Variants in POR observed in about 807,000 individuals in gnomAD.
POR encodes the protein NADPH--cytochrome P450 reductase.
A neutral mutation model predicts 84.0 loss-of-function variants in POR; 56 were observed. That is an observed-to-expected ratio of 0.67 (90% CI 0.54 to 0.83). POR has a LOEUF of 0.83. Among genes scored for constraint, POR ranks in the 40% least tolerant of loss-of-function variants. The probability of loss-of-function intolerance (pLI) is 0.00; values close to 1 mark genes in which losing one functional copy is unlikely to be tolerated. For missense variants in POR, 938 were observed against 944.3 expected (o/e 0.99, Z 0.09); for synonymous variants, 414 against 400.5 (o/e 1.03, Z -0.40).
At chr7:75,977,371 A>G (rs1788743074) in intron 3 of POR, among the ~76,000 whole-genome samples, 1 of 152,212 alleles carries the variant, frequency 6.6e-6, no homozygotes, top group African/African-American at 2.4e-5. Context: ...AGGACACACC[A>G]CGTGTAGCTG....
intron 1 of POR, chr7:75,923,569 A>C (rs1254573038): frequency 2.8e-6 from 1 of 352,480 alleles, no homozygotes; most frequent in East Asian, 6.8e-5. Context: ...TTATCTTCAA[A>C]AACTGTAAAG....
intron 1 of POR, among the ~76,000 whole-genome samples, chr7:75,936,796 C>T (rs1807708607): frequency 1.3e-5 from 2 of 151,240 alleles, no homozygotes; most frequent in Non-Finnish European, 2.9e-5. Flanking sequence ...AGCAAGACCC[C>T]TGGCTCTGTT....
chr7:75,939,941 G>A (rs1554551321), intron 1 of POR, among the ~76,000 whole-genome samples: 1 of 145,398 alleles, frequency 6.9e-6, no homozygotes. Flanking sequence ...ATGGGGTCTT[G>A]CTTTGTTGCC....
In POR at chr7:75,968,382, G is replaced by A. The variant is rs188421017; in HGVS notation, c.189-4031G>A. The A allele has an allele frequency of 7.2e-6, 3 of 414,648 alleles. No individual in the cohort carries two copies. In the East Asian group the frequency reaches 2.2e-4, roughly 30 times the overall value. 25.7% of individuals were successfully genotyped at this position (414,648 alleles called of 1,614,324 possible). A position where few individuals can be genotyped will look rare whatever the true frequency, so the allele number is the denominator to read the frequency against. ...CAGGACTTGCACGCTGCATTTCCCTGCTTCCAAAGGAAGGAATTTGGACTG... is the reference window on the plus strand; with the variant it reads ...CAGGACTTGCACGCTGCATTTCCCTACTTCCAAAGGAAGGAATTTGGACTG... On this transcript the variant is annotated intron_variant, in intron 2 of 15. Transcript: ENST00000461988.
At chr7:75,981,432 G>C in intron 6 of POR, 85 bp from the exon 7 acceptor site, 14 of 1,346,028 alleles carry the variant, frequency 1.0e-5, no homozygotes, top group Non-Finnish European at 1.5e-5. Flanking sequence ...TGGGGATGGG[G>C]TGGGGTCGGG....
intron 1 of POR, among the ~76,000 whole-genome samples, chr7:75,948,658 A>G (rs1787284902): frequency 6.6e-6 from 1 of 152,230 alleles, no homozygotes; most frequent in Non-Finnish European, 1.5e-5. Context: ...AGCACTGCCA[A>G]TCCAGGTACC....
At chr7:75,980,929 G>A (rs1281211318) in intron 5 of POR, 119 bp from the exon 6 acceptor site, 1 of 1,266,828 alleles carries the variant, frequency 7.9e-7, no homozygotes, top group Non-Finnish European at 1.1e-6. Context: ...TGGAACGGAG[G>A]CCTGCAGGTG....
chr7:75,931,350 T>C (rs980211730), intron 1 of POR, among the ~76,000 whole-genome samples: 5 of 146,574 alleles, frequency 3.4e-5, no homozygotes, highest in Non-Finnish European at 7.5e-5. Context: ...TATTTATTTA[T>C]TTATTTATTT....
At chr7:75,926,861 C>T (rs782210424) in intron 1 of POR, among the ~76,000 whole-genome samples, 1 of 152,126 alleles carries the variant, frequency 6.6e-6, no homozygotes, top group Non-Finnish European at 1.5e-5. Context: ...ACCAGGGTTA[C>T]AGAGGTGCAG....
rs367573862 is a variant in POR, at chr7:75,984,309, G to A, written c.1066+453G>A. On this transcript the variant is annotated intron_variant, in intron 10 of 15. Coordinates refer to ENST00000461988, the MANE Select transcript of POR (RefSeq NM_000941.3). Reference sequence around the variant, plus strand: ...CCATTACGCGGGGCTGCCTGGGCCTGGTGGGGCTGCCCAGCCTGAGCCTCC... The same window carrying A: ...CCATTACGCGGGGCTGCCTGGGCCTAGTGGGGCTGCCCAGCCTGAGCCTCC... Among the ~76,000 whole-genome samples the A allele has an allele frequency of 2.2e-3, 329 of 152,288 alleles. 2 individuals are homozygous for A. The highest frequency in any genetic ancestry group is 7.7e-3 in the African/African-American group (318 of 41,554).
chr7:75,969,236 G>T (rs1395337566), intron 2 of POR, among the ~76,000 whole-genome samples: 1 of 152,188 alleles, frequency 6.6e-6, no homozygotes, highest in Non-Finnish European at 1.5e-5. Context: ...TGTTAACCAA[G>T]TTCCCCAGTC....
intron 2 of POR, among the ~76,000 whole-genome samples, chr7:75,959,257 A>AG (rs1787827320): frequency 6.6e-6 from 1 of 152,200 alleles, no homozygotes; most frequent in Non-Finnish European, 1.5e-5. Context: ...TAGCTGATAC[A>AG]ACCAGGCCTC....
chr7:75,937,126 C>T (rs1201252311), intron 1 of POR, among the ~76,000 whole-genome samples: 2 of 151,392 alleles, frequency 1.3e-5, no homozygotes, highest in South Asian at 2.1e-4. Context: ...CGCATCCGGC[C>T]GCTGTTTCTG....
rs186380664 is a variant in POR at position 75,954,687 on chromosome 7, G to A, written c.188+507G>A. Among the ~76,000 whole-genome samples the A allele has an allele frequency of 2.9e-3, 433 of 150,544 alleles. 3 individuals carry two copies. Among genetic ancestry groups the A allele is most frequent in the East Asian group, 0.011 (54 of 5,132 alleles). On this transcript the variant is annotated intron_variant, in intron 2 of 15. Coordinates refer to ENST00000461988, the MANE Select transcript of POR (RefSeq NM_000941.3). ...CCCGAGTAGCTGGGACTAAAGGTGT[G>A]CACCACTATGCCCAGCTAATTTTTT...
At chr7:75,981,951 GC>G in intron 7 of POR, 1 of 568,618 alleles carries the variant, frequency 1.8e-6, no homozygotes, top group Non-Finnish European at 3.1e-6. Context: ...CCTGGGTGCT[GC>G]CCGGGCTTCC....
intron 1 of POR, among the ~76,000 whole-genome samples, chr7:75,934,379 T>TG (rs1354773160): frequency 6.6e-6 from 1 of 151,974 alleles, no homozygotes; most frequent in Non-Finnish European, 1.5e-5. Flanking sequence ...CATTCAGATG[T>TG]GGGAGCAAAG....
At chr7:75,923,480 A>C in intron 1 of POR, 2 of 508,018 alleles carry the variant, frequency 3.9e-6, no homozygotes, top group South Asian at 2.4e-5. Context: ...ATTTTTATCA[A>C]TGAACTGGAA....
At chr7:75,923,410 T>G (rs1585083420) in intron 1 of POR, 1 of 680,050 alleles carries the variant, frequency 1.5e-6, no homozygotes, top group Non-Finnish European at 2.7e-6. Flanking sequence ...TTCTTGGGGG[T>G]GTGTGCATCA....
chr7:75,935,240 C>T (rs955057046), intron 1 of POR, among the ~76,000 whole-genome samples: 9 of 151,930 alleles, frequency 5.9e-5, no homozygotes, highest in African/African-American at 2.2e-4. Flanking sequence ...TAATGACTGT[C>T]TGCCAGGTGC....
Sources: gnomAD v4.1 joint callset for allele counts (sites outside exome capture counted in the v4.1 genomes callset) on GRCh38, gnomAD v4.1.1 for gene constraint, MANE v1.5 for transcripts, NCBI Gene and HGNC (gene_info 2026-07-23, HGNC 2026-07-21) for gene names.